CDH8: variants seen among roughly 807,000 people sequenced by gnomAD.
CDH8 encodes the protein cadherin 8.
Under a neutral mutation model 68.1 loss-of-function variants are expected in CDH8, and 17 were observed. The ratio of observed to expected loss-of-function variants is 0.25; its 90% CI spans 0.17 to 0.37. The LOEUF (loss-of-function observed/expected upper bound fraction) is 0.37. Ranked by LOEUF, CDH8 falls within the 10% of genes least tolerant of loss-of-function variation. The pLI, the probability that CDH8 is intolerant of heterozygous loss-of-function variation, is 1.00. For missense variants in CDH8, 763 were observed against 999.3 expected (o/e 0.76, Z 3.19); for synonymous variants, 372 against 365.1 (o/e 1.02, Z -0.21).
intron 8 of CDH8, among the ~76,000 whole-genome samples, chr16:61,744,570 G>A (rs969611486): frequency 6.6e-6 from 1 of 151,670 alleles, no homozygotes; most frequent in African/African-American, 2.4e-5. Context: ...AACTATATGG[G>A]TTTGGATTTC....
At chr16:62,003,000 A>G (rs2408010) in intron 2 of CDH8, among the ~76,000 whole-genome samples, 94,463 of 151,720 alleles carry the variant, frequency 0.62, 29,687 homozygotes, top group East Asian at 0.77. Flanking sequence ...TGCAGTGAGC[A>G]GATATCGCAC....
chr16:61,720,294 C>G (rs896552799), intron 9 of CDH8, among the ~76,000 whole-genome samples: 4 of 150,966 alleles, frequency 2.6e-5, no homozygotes, highest in Non-Finnish European at 5.9e-5. Flanking sequence ...AAATCTCTTA[C>G]TACCTACAGT....
chr16:61,768,391 T>C (rs1333745453), intron 8 of CDH8, among the ~76,000 whole-genome samples: 24 of 77,106 alleles, frequency 3.1e-4, no homozygotes, highest in African/African-American at 8.3e-4. Flanking sequence ...TCTCTCTCTC[T>C]CTCCCTTTCT....
chr16:62,001,816 T>A (rs1020480421), intron 2 of CDH8, among the ~76,000 whole-genome samples: 7 of 151,984 alleles, frequency 4.6e-5, no homozygotes, highest in Non-Finnish European at 1.0e-4. Flanking sequence ...TGCTATCCCT[T>A]CCCCCTCGCC....
intron 10 of CDH8, among the ~76,000 whole-genome samples, chr16:61,696,215 A>G (rs1328687285): frequency 3.0e-4 from 46 of 152,092 alleles, no homozygotes. Flanking sequence ...CTTACTCTTT[A>G]TTTTCACAGC....
At position 61,654,117 on chromosome 16, in the gene CDH8, T is replaced by C; in HGVS notation, c.1907-16A>G. The stretch of plus-strand genomic sequence containing the variant: ...ACCACGATGACTAGAGGAAAAATAT[T>C]AAATAACAGTCAGCCAAACAAGCAT... On this transcript the variant is annotated splice_polypyrimidine_tract_variant and intron_variant, in intron 11 of 11. Transcript: ENST00000577390. The C allele has an allele frequency of 6.3e-7, 1 of 1,599,790 alleles. No homozygotes were observed. The highest frequency in any genetic ancestry group is 8.5e-7 in the Non-Finnish European group (1 of 1,172,648).
At chr16:61,856,165 G>A (rs780826176) in intron 4 of CDH8, among the ~76,000 whole-genome samples, 8 of 151,924 alleles carry the variant, frequency 5.3e-5, no homozygotes, top group East Asian at 3.9e-4. Flanking sequence ...TCTCAACAGC[G>A]CTGAAAAGTC....
intron 9 of CDH8, chr16:61,725,700 T>C (rs978890883): frequency 1.3e-5 from 2 of 150,788 alleles, no homozygotes; most frequent in South Asian, 2.1e-4. Context: ...GGATCACAAA[T>C]GAAGATGCTC....
chr16:62,016,166 C>CT (rs1239693438), intron 2 of CDH8, among the ~76,000 whole-genome samples: 1 of 152,182 alleles, frequency 6.6e-6, no homozygotes, highest in Non-Finnish European at 1.5e-5. Flanking sequence ...AATAGGGCAG[C>CT]TTCCTCTGTA....
intron 4 of CDH8, among the ~76,000 whole-genome samples, chr16:61,848,012 T>C (rs1962849402): frequency 6.6e-6 from 1 of 152,068 alleles, no homozygotes; most frequent in Non-Finnish European, 1.5e-5. Context: ...TGTTTTCCTA[T>C]AAAATTAATG....
At chr16:61,980,376 T>C (rs1413602439) in intron 2 of CDH8, among the ~76,000 whole-genome samples, 2 of 152,212 alleles carry the variant, frequency 1.3e-5, no homozygotes, top group African/African-American at 2.4e-5. Context: ...TTACCAAGCG[T>C]GTAACTTTGG....
rs750036103 is a variant in CDH8, at chr16:61,981,648, ATGTGTGTG to A, written c.252+39496_252+39503del. Reference sequence around the variant, plus strand: ...TCTTTTGAGCTGAACCTTGAAAAGAATGTGTGTGTGTGTGTGTGTGTGTGTGTGTGTGT... The same window carrying A: ...TCTTTTGAGCTGAACCTTGAAAAGAATGTGTGTGTGTGTGTGTGTGTGTGT... On this transcript the variant is annotated intron_variant, in intron 2 of 11. Transcript: ENST00000577390. Among the ~76,000 whole-genome samples, 65 of 146,716 alleles carry A rather than the reference ATGTGTGTG, an allele frequency of 4.4e-4. 1 individual carries two copies. Among genetic ancestry groups the A allele is most frequent in the Admixed American group, 2.2e-3 (32 of 14,692 alleles).
In CDH8 at chr16:62,006,339, G is replaced by T. The variant is rs565190124; in HGVS notation, c.252+14813C>A. The stretch of plus-strand genomic sequence containing the variant: ...AAGAACCAAGTAAACTGAGGGAGGG[G>T]GTGGCACAGTTTAGGCAGAGGAAGT... On this transcript the variant is annotated intron_variant, in intron 2 of 11. Coordinates refer to ENST00000577390, the MANE Select transcript of CDH8 (RefSeq NM_001796.5). Among the ~76,000 whole-genome samples the T allele has an allele frequency of 2.6e-3, 390 of 152,252 alleles. 4 individuals carry two copies. Among genetic ancestry groups the T allele is most frequent in the South Asian group, 0.018 (86 of 4,822 alleles).
At chr16:61,832,308 A>G (rs370855474) in intron 4 of CDH8, among the ~76,000 whole-genome samples, 2 of 151,328 alleles carry the variant, frequency 1.3e-5, no homozygotes, top group Admixed American at 1.3e-4. Flanking sequence ...ATGGGGAGAG[A>G]TTTTAGAGGA....
At chr16:61,750,970 G>A (rs897636934) in intron 8 of CDH8, among the ~76,000 whole-genome samples, 1 of 151,930 alleles carries the variant, frequency 6.6e-6, no homozygotes, top group Admixed American at 6.6e-5. Flanking sequence ...ATGTATTAAA[G>A]CAATTAAACA....
At chr16:61,769,172 A>T (rs533673614) in intron 8 of CDH8, among the ~76,000 whole-genome samples, 1 of 151,938 alleles carries the variant, frequency 6.6e-6, no homozygotes, top group Admixed American at 6.6e-5. Flanking sequence ...TTGTCATATT[A>T]TTATAAAAAA....
chr16:62,004,987 G>A (rs1378451367), intron 2 of CDH8, among the ~76,000 whole-genome samples: 6 of 152,168 alleles, frequency 3.9e-5, no homozygotes, highest in African/African-American at 1.4e-4. Context: ...TTCTTCCAAG[G>A]CTCTAATTCC....
At chr16:61,825,237 T>C (rs1388433292) in intron 4 of CDH8, 58 bp from the exon 5 acceptor site, 2 of 1,406,178 alleles carry the variant, frequency 1.4e-6, no homozygotes, top group Admixed American at 1.9e-5. Context: ...AAAATGAAAG[T>C]GTTAATCTCA....
At chr16:61,979,253 G>A (rs940485658) in intron 2 of CDH8, among the ~76,000 whole-genome samples, 6 of 152,086 alleles carry the variant, frequency 3.9e-5, no homozygotes, top group South Asian at 2.1e-4. Context: ...CACCCCTGGC[G>A]GATAACATGA....
Sources: gnomAD v4.1 joint callset for allele counts (sites outside exome capture counted in the v4.1 genomes callset) on GRCh38, gnomAD v4.1.1 for gene constraint, MANE v1.5 for transcripts, NCBI Gene and HGNC (gene_info 2026-07-23, HGNC 2026-07-21) for gene names.